Variants in C1QTNF7 observed in about 807,000 individuals in gnomAD.
The protein encoded by C1QTNF7 is complement C1q tumor necrosis factor-related protein 7.
In C1QTNF7, 15 loss-of-function variants were observed where a neutral mutation model predicts 19.6. The observed-to-expected ratio is 0.76, with a 90% CI of 0.51 to 1.18. The LOEUF (loss-of-function observed/expected upper bound fraction) is 1.18. C1QTNF7 is among the 50% of genes most tolerant of loss of function. C1QTNF7 has a pLI of 0.00. For synonymous variants in C1QTNF7, 142 were observed against 137.5 expected, an observed-to-expected ratio of 1.03 and a Z score of -0.23; for missense variants, 324 against 359.7, an observed-to-expected ratio of 0.90 and a Z score of 0.80.
intron 1 of C1QTNF7, among the ~76,000 whole-genome samples, chr4:15,393,787 A>G (rs1458742995): frequency 6.6e-6 from 1 of 152,250 alleles, no homozygotes; most frequent in East Asian, 1.9e-4. Context: ...AGACAGGGCT[A>G]CTCACTCATT....
At chr4:15,421,688 G>T (rs1449552522) in intron 1 of C1QTNF7, among the ~76,000 whole-genome samples, 2 of 152,100 alleles carry the variant, frequency 1.3e-5, no homozygotes, top group African/African-American at 2.4e-5. Flanking sequence ...GTGTGACCTT[G>T]GGCCAGTTCT....
At chr4:15,354,073 T>C (rs1000078985) in intron 1 of C1QTNF7, among the ~76,000 whole-genome samples, 1 of 152,100 alleles carries the variant, frequency 6.6e-6, no homozygotes. Flanking sequence ...AGGCTGGCTA[T>C]GCGCACTTTG....
At chr4:15,416,214 C>T (rs1719601453) in intron 1 of C1QTNF7, among the ~76,000 whole-genome samples, 1 of 152,164 alleles carries the variant, frequency 6.6e-6, no homozygotes, top group African/African-American at 2.4e-5. Flanking sequence ...TGCATCTTTA[C>T]CAAACTAATA....
At chr4:15,429,303 G>C (rs1712198359) in intron 1 of C1QTNF7, among the ~76,000 whole-genome samples, 1 of 152,022 alleles carries the variant, frequency 6.6e-6, no homozygotes, top group Admixed American at 6.6e-5. Flanking sequence ...CATTCATTTT[G>C]TTATGCAGTA....
chr4:15,367,539 T>A (rs1033332163), intron 1 of C1QTNF7, among the ~76,000 whole-genome samples: 1 of 152,210 alleles, frequency 6.6e-6, no homozygotes, highest in Non-Finnish European at 1.5e-5. Flanking sequence ...CTAGGATGTA[T>A]GTGTATCAAT....
intron 1 of C1QTNF7, among the ~76,000 whole-genome samples, chr4:15,383,840 G>A (rs2108892984): frequency 6.6e-6 from 1 of 152,328 alleles, no homozygotes; most frequent in South Asian, 2.1e-4. Context: ...AGAGATGCAT[G>A]GTGTTAGAGG....
intron 2 of C1QTNF7, among the ~76,000 whole-genome samples, chr4:15,440,810 G>A (rs1254442487): frequency 6.6e-6 from 1 of 152,048 alleles, no homozygotes; most frequent in Non-Finnish European, 1.5e-5. Context: ...GTAGCATGTT[G>A]AGCCCTCGCT....
At chr4:15,354,037 C>T (rs559913672) in intron 1 of C1QTNF7, among the ~76,000 whole-genome samples, 1 of 152,242 alleles carries the variant, frequency 6.6e-6, no homozygotes, top group African/African-American at 2.4e-5. Flanking sequence ...GAGGCACCAC[C>T]TTCTCCCCCA....
chr4:15,403,248 A>T (rs1719060734), intron 1 of C1QTNF7, among the ~76,000 whole-genome samples: 1 of 152,152 alleles, frequency 6.6e-6, no homozygotes, highest in Non-Finnish European at 1.5e-5. Context: ...TGTGTTATTC[A>T]TTTTGGATGT....
chr4:15,442,749 T>A lies in C1QTNF7; in HGVS notation c.820T>A (p.Tyr274Asn), dbSNP rs746533641. Residue 274 changes from tyrosine (Y) to asparagine (N), a missense_variant, in exon 3 of 3, where the codon TAC becomes AAC. By Grantham distance (143) the Tyr-to-Asn change is moderately radical. Transcript: ENST00000444304. ...ADSLFSGFLLYVDTDYLDSIS... is the reference protein window; with the variant it reads ...ADSLFSGFLLNVDTDYLDSIS... ...CAGCTTATTCTCCGGGTTTCTCTTA[T>A]ACGTTGACACAGATTACCTAGATTC... 1.2e-6 allele frequency: 2 copies of A among 1,613,968 alleles called. No individual in the cohort carries two copies.
chr4:15,381,439 G>T, intron 1 of C1QTNF7, among the ~76,000 whole-genome samples: 1 of 142,354 alleles, frequency 7.0e-6, no homozygotes, highest in Non-Finnish European at 1.6e-5. Context: ...AAAAAAAATT[G>T]TGAACATGGA....
At chr4:15,404,279 C>T (rs1227552672) in intron 1 of C1QTNF7, among the ~76,000 whole-genome samples, 1 of 152,206 alleles carries the variant, frequency 6.6e-6, no homozygotes, top group Non-Finnish European at 1.5e-5. Context: ...GAGAGTTTCT[C>T]ACAATACATG....
chr4:15,381,078 T>C (rs550557566), intron 1 of C1QTNF7, among the ~76,000 whole-genome samples: 1 of 152,164 alleles, frequency 6.6e-6, no homozygotes, highest in South Asian at 2.1e-4. Flanking sequence ...ATATATAAAT[T>C]GGACTATATT....
chr4:15,342,728 A>G (rs1289116903), intron 1 of C1QTNF7, among the ~76,000 whole-genome samples: 3 of 152,350 alleles, frequency 2.0e-5, no homozygotes, highest in Non-Finnish European at 4.4e-5. Context: ...GCGGGGCTCT[A>G]TTCCCCAAAG....
At chr4:15,430,475 C>T (rs1010553784) in intron 1 of C1QTNF7, among the ~76,000 whole-genome samples, 2 of 152,166 alleles carry the variant, frequency 1.3e-5, no homozygotes, top group Non-Finnish European at 2.9e-5. Context: ...GTCCCAGCTA[C>T]TCATGAATTC....
chr4:15,360,125 A>C (rs1717284740), intron 1 of C1QTNF7, among the ~76,000 whole-genome samples: 1 of 152,134 alleles, frequency 6.6e-6, no homozygotes, highest in African/African-American at 2.4e-5. Context: ...AAGGCCTTCA[A>C]AGGCTACCAC....
At chr4:15,417,235 T>C (rs1719635658) in intron 1 of C1QTNF7, among the ~76,000 whole-genome samples, 1 of 152,206 alleles carries the variant, frequency 6.6e-6, no homozygotes, top group South Asian at 2.1e-4. Flanking sequence ...ATTAACAATC[T>C]TGTGCAGCCA....
chr4:15,368,854 G>A (rs1333578414), intron 1 of C1QTNF7, among the ~76,000 whole-genome samples: 1 of 152,252 alleles, frequency 6.6e-6, no homozygotes, highest in African/African-American at 2.4e-5. Context: ...CTGGTTGCAA[G>A]TAGCAAAGAC....
In C1QTNF7 at chr4:15,443,665, G is replaced by T. The variant is rs1453350221; in HGVS notation, c.*866G>T. Reference sequence around the variant, plus strand: ...TGATTGGTATTCTCAACAGCAAAGGGGTGAAAAATCTAGAGACAGAGGAGG... The same window carrying T: ...TGATTGGTATTCTCAACAGCAAAGGTGTGAAAAATCTAGAGACAGAGGAGG... On this transcript the variant is annotated 3_prime_UTR_variant, in exon 3 of 3. Transcript: ENST00000444304. 1 of 152,140 alleles carries T rather than the reference G, an allele frequency of 6.6e-6. No individual in the cohort carries two copies. The highest frequency in any genetic ancestry group is 1.5e-5 in the Non-Finnish European group (1 of 68,028). The allele number at this position is 152,140 out of a possible 1,614,324, so 9.4% of individuals were successfully genotyped here.
Sources: gnomAD v4.1 joint callset for allele counts (sites outside exome capture counted in the v4.1 genomes callset) on GRCh38, gnomAD v4.1.1 for gene constraint, MANE v1.5 for transcripts, NCBI Gene and HGNC (gene_info 2026-07-23, HGNC 2026-07-21) for gene names.